SNX7: variants seen among roughly 807,000 people sequenced by gnomAD.
SNX7 encodes the protein sorting nexin 7, also known as sorting nexin-7.
SNX7 carries 35 observed loss-of-function variants against 48.4 expected under a neutral mutation model. The observed-to-expected ratio is 0.72, with a 90% CI of 0.55 to 0.96. SNX7 has a LOEUF of 0.96. Ranked by LOEUF, SNX7 falls within the 40% of genes least tolerant of loss-of-function variation. SNX7 has a pLI of 0.00. For synonymous variants in SNX7, 190 were observed against 190.2 expected (o/e 1.00, Z 0.01); for missense variants, 553 against 548.9 (o/e 1.01, Z -0.07).
intron 1 of SNX7, among the ~76,000 whole-genome samples, chr1:98,683,566 TC>T (rs895903492): frequency 2.0e-5 from 3 of 151,952 alleles, no homozygotes; most frequent in Non-Finnish European, 4.4e-5. Flanking sequence ...AGAGAGACCC[TC>T]CCCCCTTTTA....
At chr1:98,697,426 G>C (rs1651515796) in intron 5 of SNX7, among the ~76,000 whole-genome samples, 1 of 151,990 alleles carries the variant, frequency 6.6e-6, no homozygotes, top group Non-Finnish European at 1.5e-5. Flanking sequence ...TATTTATATG[G>C]ATAGTGAACA....
chr1:98,745,785 T>A (rs1332850790), intron 8 of SNX7, among the ~76,000 whole-genome samples: 1 of 152,092 alleles, frequency 6.6e-6, no homozygotes, highest in Non-Finnish European at 1.5e-5. Context: ...TCAGGTTACA[T>A]CATTGCTACT....
At chr1:98,681,433 A>G (rs1008551362) in intron 1 of SNX7, among the ~76,000 whole-genome samples, 1 of 152,188 alleles carries the variant, frequency 6.6e-6, no homozygotes, top group Non-Finnish European at 1.5e-5. Context: ...TCACTATAAG[A>G]TATTTTTTAA....
At chr1:98,725,337 G>C (rs1429350937) in intron 7 of SNX7, among the ~76,000 whole-genome samples, 2 of 152,144 alleles carry the variant, frequency 1.3e-5, no homozygotes, top group African/African-American at 2.4e-5. Flanking sequence ...GCATTCCTTA[G>C]TGGTCTCATC....
intron 1 of SNX7, among the ~76,000 whole-genome samples, chr1:98,664,335 C>T (rs1272312983): frequency 6.6e-6 from 1 of 152,106 alleles, no homozygotes; most frequent in Non-Finnish European, 1.5e-5. Context: ...CACAACCAGC[C>T]TGGCCAACAT....
chr1:98,698,023 C>T lies in SNX7; in HGVS notation c.839-683C>T, dbSNP rs1431300521. On this transcript the variant is annotated intron_variant, in intron 5 of 8. Transcript: ENST00000306121. ...GAATTTCACATTGGACCTGGAGAAGCAGACGGTGAGGACTAATTTAACTAA... is the reference window on the plus strand; with the variant it reads ...GAATTTCACATTGGACCTGGAGAAGTAGACGGTGAGGACTAATTTAACTAA... Among the ~76,000 whole-genome samples the T allele has an allele frequency of 2.0e-5, 3 of 152,154 alleles. No homozygotes were observed. In the East Asian group the frequency reaches 5.8e-4, roughly 29 times the overall value.
At chr1:98,695,111 T>G in intron 4 of SNX7, among the ~76,000 whole-genome samples, 1 of 152,232 alleles carries the variant, frequency 6.6e-6, no homozygotes, top group Non-Finnish European at 1.5e-5. Context: ...TCCAATTTTA[T>G]TTTTTGGAGT....
chr1:98,748,839 A>G (rs1047193770), intron 8 of SNX7, among the ~76,000 whole-genome samples: 3 of 152,096 alleles, frequency 2.0e-5, no homozygotes, highest in Non-Finnish European at 2.9e-5. Flanking sequence ...CCCACCCCAT[A>G]TCCCATTCAC....
rs553042458 is a variant in SNX7, at chr1:98,754,423, TA to T, written c.1279-5628del. 3.9e-5 allele frequency among the ~76,000 whole-genome samples: 6 copies of T among 152,208 alleles called. No homozygotes were observed. In the East Asian group the frequency reaches 1.2e-3, roughly 29 times the overall value. ...TATGGAATTAGTATGATTTCTTCCT[TA>T]AATGTTTGCTATAATTCTCTAGTGA... On this transcript the variant is annotated intron_variant, in intron 8 of 8. Coordinates refer to ENST00000306121, the MANE Select transcript of SNX7 (RefSeq NM_015976.5).
At chr1:98,731,365 T>C (rs764669311) in intron 7 of SNX7, among the ~76,000 whole-genome samples, 46 of 152,252 alleles carry the variant, frequency 3.0e-4, no homozygotes, top group Non-Finnish European at 6.0e-4. Context: ...ACTAAGTGAA[T>C]GAACTTCATA....
At position 98,685,046 on chromosome 1, in the gene SNX7, T is replaced by A. The variant is rs760321811; in HGVS notation, c.342T>A (p.Ile114=). The part of the protein sequence containing the change: ...ESHVTTIETF[I]TYRIITKTSR... ...ATGTTACTACAATAGAAACTTTCAT[T>A]ACGTATAGGATTATTACTAAGGTAA... Residue 114 remains isoleucine (I), a synonymous_variant, in exon 2 of 9, where the codon ATT becomes ATA. Transcript: ENST00000306121. The A allele has an allele frequency of 4.5e-6, 7 of 1,561,674 alleles. No individual in the cohort carries two copies. Among genetic ancestry groups the A allele is most frequent in the Admixed American group, 3.6e-5 (2 of 55,586 alleles).
intron 1 of SNX7, among the ~76,000 whole-genome samples, chr1:98,673,047 C>A (rs1295249295): frequency 6.6e-6 from 1 of 151,688 alleles, no homozygotes; most frequent in Non-Finnish European, 1.5e-5. Context: ...CTGAATAAGA[C>A]CATACACATG....
intron 7 of SNX7, among the ~76,000 whole-genome samples, chr1:98,737,260 A>G (rs1334247995): frequency 6.6e-6 from 1 of 152,042 alleles, no homozygotes; most frequent in Non-Finnish European, 1.5e-5. Flanking sequence ...ATACTTATTT[A>G]GGCTTTCTCT....
chr1:98,758,393 C>T (rs1654955241), intron 8 of SNX7, among the ~76,000 whole-genome samples: 2 of 151,998 alleles, frequency 1.3e-5, no homozygotes, highest in Non-Finnish European at 2.9e-5. Context: ...CTCCCCTCCC[C>T]TCCTCTTCCT....
intron 1 of SNX7, chr1:98,662,508 C>T (rs539613443): frequency 6.9e-4 from 272 of 394,956 alleles, no homozygotes; most frequent in Middle Eastern, 9.5e-4. Flanking sequence ...GCTACTGCCA[C>T]CCAACCCACA....
At chr1:98,661,415 C>G (rs563358046), upstream of SNX7, among the ~76,000 whole-genome samples, 1 of 152,094 alleles carries the variant, frequency 6.6e-6, no homozygotes, top group Non-Finnish European at 1.5e-5. Flanking sequence ...CACTCGGTGG[C>G]CCCCGACTGG....
chr1:98,737,199 T>G (rs1163332400), intron 7 of SNX7, among the ~76,000 whole-genome samples: 1 of 152,098 alleles, frequency 6.6e-6, no homozygotes, highest in African/African-American at 2.4e-5. Context: ...GTGTTTCCAC[T>G]GAGAGTCCCA....
intron 1 of SNX7, among the ~76,000 whole-genome samples, chr1:98,673,614 C>T (rs1649996571): frequency 6.6e-6 from 1 of 152,200 alleles, no homozygotes. Flanking sequence ...GTGCCTGACA[C>T]CTGGGTGACA....
At chr1:98,665,613 A>C (rs1263408752) in intron 1 of SNX7, among the ~76,000 whole-genome samples, 1 of 152,036 alleles carries the variant, frequency 6.6e-6, no homozygotes, top group Non-Finnish European at 1.5e-5. Context: ...TTTGAGATGG[A>C]GTTTTGCTCT....
Sources: gnomAD v4.1 joint callset for allele counts (sites outside exome capture counted in the v4.1 genomes callset) on GRCh38, gnomAD v4.1.1 for gene constraint, MANE v1.5 for transcripts, NCBI Gene and HGNC (gene_info 2026-07-23, HGNC 2026-07-21) for gene names.